The following HHAT variants were observed in gnomAD, a reference collection of about 807,000 sequenced individuals.
HHAT encodes hedgehog acyltransferase.
In HHAT, 47 loss-of-function variants were observed where a neutral mutation model predicts 70.8. The ratio of observed to expected loss-of-function variants is 0.66; its 90% CI spans 0.53 to 0.85. HHAT has a LOEUF of 0.85. Ranked by LOEUF, HHAT falls within the 40% of genes least tolerant of loss-of-function variation. HHAT has a pLI of 0.00. For synonymous variants in HHAT, 228 were observed against 247.6 expected (o/e 0.92, Z 0.74); for missense variants, 609 against 604.8 (o/e 1.01, Z -0.07).
intron 3 of HHAT, among the ~76,000 whole-genome samples, chr1:210,378,178 T>G (rs1365388225): frequency 6.6e-6 from 1 of 152,192 alleles, no homozygotes; most frequent in Non-Finnish European, 1.5e-5. Context: ...TCTCCTTTTG[T>G]GTTTCTTGTC....
chr1:210,364,586 A>T (rs764081151), intron 3 of HHAT, among the ~76,000 whole-genome samples: 3 of 152,354 alleles, frequency 2.0e-5, no homozygotes, highest in Non-Finnish European at 2.9e-5. Context: ...TCAGGCCCCA[A>T]CAAGTTTTGG....
At chr1:210,397,732 C>A (rs1293851716) in intron 4 of HHAT, among the ~76,000 whole-genome samples, 1 of 152,120 alleles carries the variant, frequency 6.6e-6, no homozygotes, top group Non-Finnish European at 1.5e-5. Flanking sequence ...ATGAAACTGG[C>A]CTTTGAAATG....
At chr1:210,441,843 C>T (rs1572464091) in intron 7 of HHAT, among the ~76,000 whole-genome samples, 1 of 151,240 alleles carries the variant, frequency 6.6e-6, no homozygotes, top group Non-Finnish European at 1.5e-5. Context: ...CATATATACA[C>T]ACACACACAC....
Position 210,464,590 on chromosome 1 carries a change from T to A in HHAT, c.942T>A (p.Asp314Glu), listed in dbSNP as rs1209434701. 18 of 1,614,072 alleles carry A rather than the reference T, an allele frequency of 1.1e-5. No individual in the cohort carries two copies. Among genetic ancestry groups the A allele is most frequent in the Admixed American group, 1.7e-5 (1 of 60,008 alleles). Reference sequence around the variant, plus strand: ...TGCCTGCTCTGCTCATGCGCCTGGATGGACTCACTCCACCCGCCCTCCCCC... The same window carrying A: ...TGCCTGCTCTGCTCATGCGCCTGGAAGGACTCACTCCACCCGCCCTCCCCC... ...FGVPALLMRLDGLTPPALPRC... is the reference protein window; with the variant it reads ...FGVPALLMRLEGLTPPALPRC... The change falls in exon 8 of 12, where the codon GAT becomes GAA. Residue 314 changes from aspartate (D) to glutamate (E), a missense_variant. Transcript: ENST00000261458.
chr1:210,570,593 T>C (rs1032413014), intron 9 of HHAT, among the ~76,000 whole-genome samples: 5 of 152,002 alleles, frequency 3.3e-5, no homozygotes, highest in Admixed American at 6.5e-5. Context: ...CAGGAGTGCG[T>C]GTGGAGTGGA....
chr1:210,450,247 C>G lies in HHAT; in HGVS notation c.857-14258C>G, dbSNP rs61345702. On this transcript the variant is annotated intron_variant, in intron 7 of 11. Coordinates refer to ENST00000261458, the MANE Select transcript of HHAT (RefSeq NM_018194.6). ...CAGAGGTTGCAGTGAGCCAAGATTG[C>G]GCCACTGCACTCCAGCCTGGGCGAC... Among the ~76,000 whole-genome samples, 855 of 150,186 alleles carry G rather than the reference C, an allele frequency of 5.7e-3. 7 individuals are homozygous for G. The highest frequency in any genetic ancestry group is 0.02 in the African/African-American group (820 of 40,834).
chr1:210,567,200 A>G (rs1654982038), intron 9 of HHAT, among the ~76,000 whole-genome samples: 1 of 152,200 alleles, frequency 6.6e-6, no homozygotes, highest in South Asian at 2.1e-4. Flanking sequence ...GACAAACCCA[A>G]GTCTCAGTTT....
At chr1:210,473,158 AAG>A (rs2094236749) in intron 8 of HHAT, among the ~76,000 whole-genome samples, 1 of 152,172 alleles carries the variant, frequency 6.6e-6, no homozygotes. Context: ...AAATATGTCA[AAG>A]AGATACATTT....
chr1:210,601,531 C>A (rs1470643151), intron 10 of HHAT, among the ~76,000 whole-genome samples: 4 of 152,240 alleles, frequency 2.6e-5, no homozygotes, highest in African/African-American at 9.6e-5. Flanking sequence ...CTCGACAGAG[C>A]CCACTTAGGC....
chr1:210,494,679 G>A (rs2094606663), intron 8 of HHAT, among the ~76,000 whole-genome samples: 1 of 149,140 alleles, frequency 6.7e-6, no homozygotes, highest in Non-Finnish European at 1.5e-5. Context: ...AGCCTTCTGA[G>A]TAGCTGGGAT....
intron 3 of HHAT, among the ~76,000 whole-genome samples, chr1:210,374,466 TG>T: frequency 6.6e-6 from 1 of 152,226 alleles, no homozygotes; most frequent in East Asian, 1.9e-4. Context: ...CAGGGTACTA[TG>T]GGTATGCAAA....
chr1:210,659,231 C>T (rs1677119217), intron 11 of HHAT, among the ~76,000 whole-genome samples: 1 of 152,108 alleles, frequency 6.6e-6, no homozygotes, highest in Admixed American at 6.6e-5. Context: ...CAAATAGATG[C>T]AATAACAAAT....
At chr1:210,490,384 A>G (rs2094533295) in intron 8 of HHAT, among the ~76,000 whole-genome samples, 1 of 152,226 alleles carries the variant, frequency 6.6e-6, no homozygotes, top group Non-Finnish European at 1.5e-5. Context: ...ACACATGGAT[A>G]TGAATGGAGT....
chr1:210,663,514 C>G (rs1013001261), intron 11 of HHAT, among the ~76,000 whole-genome samples: 3 of 152,170 alleles, frequency 2.0e-5, no homozygotes, highest in African/African-American at 7.2e-5. Context: ...CCTTAGTTTC[C>G]GTATCTACTA....
intron 2 of HHAT, among the ~76,000 whole-genome samples, chr1:210,361,541 C>T (rs1438591118): frequency 1.3e-5 from 2 of 151,632 alleles, no homozygotes; most frequent in Non-Finnish European, 2.9e-5. Flanking sequence ...GCTTGGCTTG[C>T]TGTTTGCATC....
chr1:210,374,934 C>T (rs1161133966), intron 3 of HHAT, among the ~76,000 whole-genome samples: 2 of 152,058 alleles, frequency 1.3e-5, no homozygotes, highest in African/African-American at 4.8e-5. Context: ...CTTACCAGTC[C>T]TCCCTGCCAC....
intron 10 of HHAT, 83 bp downstream of exon 10, chr1:210,588,182 C>G: frequency 8.6e-7 from 1 of 1,164,278 alleles, no homozygotes; most frequent in Non-Finnish European, 1.2e-6. Flanking sequence ...ATCAGATTCC[C>G]TGCCCCCACT....
At chr1:210,538,869 G>C (rs2095400987) in intron 9 of HHAT, among the ~76,000 whole-genome samples, 1 of 152,200 alleles carries the variant, frequency 6.6e-6, no homozygotes, top group Non-Finnish European at 1.5e-5. Flanking sequence ...CTGAGATCAG[G>C]AGTTTGAGAC....
chr1:210,399,320 G>A (rs931406662), intron 4 of HHAT, among the ~76,000 whole-genome samples: 1 of 152,044 alleles, frequency 6.6e-6, no homozygotes, highest in African/African-American at 2.4e-5. Flanking sequence ...GCAATGGTGC[G>A]ATCTCGGCTC....
Sources: allele counts gnomAD v4.1 joint callset (sites outside exome capture counted in the v4.1 genomes callset), GRCh38; gene constraint gnomAD v4.1.1; transcripts MANE v1.5; gene names NCBI Gene and HGNC (gene_info 2026-07-23, HGNC 2026-07-21).